Variants in CARS1 observed in about 807,000 individuals in gnomAD.
The protein encoded by CARS1 is cysteine--tRNA ligase, cytoplasmic.
CARS1 carries 48 observed loss-of-function variants against 106.2 expected under a neutral mutation model. The observed-to-expected ratio is 0.45, with a 90% CI of 0.36 to 0.57. CARS1 has a LOEUF of 0.57. Among genes scored for constraint, CARS1 ranks in the 20% least tolerant of loss-of-function variants. The pLI is 0.00. For missense variants in CARS1, 968 were observed against 1,057.2 expected (o/e 0.92, Z 1.17); for synonymous variants, 409 against 403.4 (o/e 1.01, Z -0.17).
Position 3,041,359 on chromosome 11 carries a change from TAC to T in CARS1, c.367-377_367-376del, listed in dbSNP as rs1187755733. 2.0e-5 allele frequency: 5 copies of T among 252,630 alleles called. No homozygotes were observed. The highest frequency in any genetic ancestry group is 1.1e-4 in the African/African-American group (5 of 43,574). 15.6% of individuals were successfully genotyped at this position (252,630 alleles called of 1,614,324 possible). A position where few individuals can be genotyped will look rare whatever the true frequency, so the allele number is the denominator to read the frequency against. On this transcript the variant is annotated intron_variant, in intron 3 of 22. Coordinates refer to ENST00000380525, the MANE Select transcript of CARS1 (RefSeq NM_001014437.3). The surrounding 1 kb of genome is among the most constrained non-coding windows in gnomAD (Gnocchi z 4.9). ...CCTGAGCTAAATATTCAATATGCAG[TAC>T]ACTCTAGGACGTAGGTTATGTCATT...
At chr11:3,018,251 G>A (rs776282015) in intron 14 of CARS1, 157 bp downstream of exon 14, 30 of 626,442 alleles carry the variant, frequency 4.8e-5, no homozygotes, top group Non-Finnish European at 6.4e-5. Flanking sequence ...GAGTGGCCCC[G>A]AGCCTGTTAT....
At position 3,038,459 on chromosome 11, in the gene CARS1, T is replaced by C. The variant is rs981069037; in HGVS notation, c.652-260A>G. Among the ~76,000 whole-genome samples, 5 of 152,042 alleles carry C rather than the reference T, an allele frequency of 3.3e-5. No individual in the cohort carries two copies. Among genetic ancestry groups the C allele is most frequent in the Admixed American group, 2.0e-4 (3 of 15,264 alleles). On this transcript the variant is annotated intron_variant, in intron 6 of 22. Transcript: ENST00000380525. The surrounding 1 kb of genome is among the most constrained non-coding windows in gnomAD (Gnocchi z 4.0). Reference sequence around the variant, plus strand: ...TGTGCCTCAGTTTCTCCAATGCAAATTGGGTGTGAGAGCAGTATTTCTAGG... The same window carrying C: ...TGTGCCTCAGTTTCTCCAATGCAAACTGGGTGTGAGAGCAGTATTTCTAGG...
intron 7 of CARS1, among the ~76,000 whole-genome samples, chr11:3,035,045 T>C (rs1853434229): frequency 6.6e-6 from 1 of 152,076 alleles, no homozygotes; most frequent in Non-Finnish European, 1.5e-5. Flanking sequence ...ACTACCCCAC[T>C]TCTGTGATAA....
At chr11:3,006,758 A>C in intron 19 of CARS1, 121 bp downstream of exon 19, 1 of 849,390 alleles carries the variant, frequency 1.2e-6, no homozygotes, top group African/African-American at 1.6e-5. Context: ...TGGGGCTGCC[A>C]CTTTGGGATT....
Position 3,038,323 on chromosome 11 carries a change from G to T in CARS1, c.652-124C>A. 1.1e-6 allele frequency: 1 copy of T among 891,442 alleles called. No homozygotes were observed. The allele number at this position is 891,442 out of a possible 1,614,324, so 55.2% of individuals were successfully genotyped here. A position where few individuals can be genotyped will look rare whatever the true frequency, so the allele number is the denominator to read the frequency against. ...TGGCCCCATAGAGATAGAGAAGTGT[G>T]CAACCCAAGTGGCCAGGCAGTAAGG... On this transcript the variant is annotated intron_variant, in intron 6 of 22. Coordinates refer to ENST00000380525, the MANE Select transcript of CARS1 (RefSeq NM_001014437.3). The surrounding 1 kb of genome is among the most constrained non-coding windows in gnomAD (Gnocchi z 4.0).
Position 3,044,118 on chromosome 11 carries a change from C to T in CARS1, c.275-1862G>A, listed in dbSNP as rs1424615660. ...CTCCTCCCTCACAAAGACCCTGGAG[C>T]TCCTTCAATAGGACACTGCTGCCAT... On this transcript the variant is annotated intron_variant, in intron 2 of 22. Coordinates refer to ENST00000380525, the MANE Select transcript of CARS1 (RefSeq NM_001014437.3). This position sits in a 1 kb window ranked among gnomAD's most constrained non-coding sequence, Gnocchi z 4.4. 6.6e-6 allele frequency among the ~76,000 whole-genome samples: 1 copy of T among 152,182 alleles called. No individual in the cohort carries two copies. The highest frequency in any genetic ancestry group is 6.5e-5 in the Admixed American group (1 of 15,284).
intron 18 of CARS1, among the ~76,000 whole-genome samples, chr11:3,011,881 C>T (rs56084313): frequency 0.099 from 15,126 of 152,252 alleles, 853 homozygotes; most frequent in African/African-American, 0.14. Context: ...CATTCTGCCT[C>T]GGCTCAGAGA....
chr11:3,055,170 T>C, intron 1 of CARS1: 1 of 569,472 alleles, frequency 1.8e-6, no homozygotes, highest in Non-Finnish European at 3.1e-6. Flanking sequence ...ATTGGATTTT[T>C]TTTTTTTTGA....
intron 19 of CARS1, 110 bp from the exon 20 acceptor site, chr11:3,005,543 C>T: frequency 1.4e-6 from 1 of 736,012 alleles, no homozygotes; most frequent in Non-Finnish European, 2.3e-6. Context: ...GCTGCCCAGT[C>T]AGAGCGAGGG....
At chr11:3,016,803 G>C (rs189356296) in intron 16 of CARS1, among the ~76,000 whole-genome samples, 1 of 152,168 alleles carries the variant, frequency 6.6e-6, no homozygotes, top group African/African-American at 2.4e-5. Flanking sequence ...TTATAGACCC[G>C]GGATCTCACT....
Position 3,006,969 on chromosome 11 carries a change from A to G in CARS1, c.2069-10T>C, listed in dbSNP as rs1479097954. 1 of 1,611,792 alleles carries G rather than the reference A, an allele frequency of 6.2e-7. No individual in the cohort carries two copies. Among genetic ancestry groups the G allele is most frequent in the Non-Finnish European group, 8.5e-7 (1 of 1,178,196 alleles). Reference sequence around the variant, plus strand: ...TGCAGAATCTCAGGGACTGTAGGAGAAGCAGAGCAGTTCCCTCAGACATGG... The same window carrying G: ...TGCAGAATCTCAGGGACTGTAGGAGGAGCAGAGCAGTTCCCTCAGACATGG... On this transcript the variant is annotated splice_polypyrimidine_tract_variant and intron_variant, in intron 18 of 22. Coordinates refer to ENST00000380525, the MANE Select transcript of CARS1 (RefSeq NM_001014437.3).
rs1590315899 is a variant in CARS1, at chr11:3,005,446, C to A, written c.2150-13G>T. 3.7e-6 allele frequency: 6 copies of A among 1,611,250 alleles called. No individual in the cohort carries two copies. The East Asian group carries it at 8.9e-5, about 24-fold the overall frequency. On this transcript the variant is annotated splice_polypyrimidine_tract_variant and intron_variant, in intron 19 of 22. Transcript: ENST00000380525. The stretch of plus-strand genomic sequence containing the variant: ...ACTGTGGGCAGTCCTGCAAAATAAA[C>A]TGCGTGTGAGAAGAGTCTGGGCTCT...
rs1853818781 is a variant in CARS1, at chr11:3,037,522, A to G, written c.801+528T>C. On this transcript the variant is annotated intron_variant, in intron 7 of 22. Transcript: ENST00000380525. The surrounding 1 kb of genome is among the most constrained non-coding windows in gnomAD (Gnocchi z 5.9). ...TGTGTCCAGGGCGCCAGCCACAGGG[A>G]AAGGCCTGAGGAAGAGGGCAGGGTC... is the stretch of plus-strand genomic sequence containing the variant. Among the ~76,000 whole-genome samples the G allele has an allele frequency of 6.6e-6, 1 of 152,196 alleles. No individual in the cohort carries two copies. The highest frequency in any genetic ancestry group is 1.5e-5 in the Non-Finnish European group (1 of 68,032).
intron 17 of CARS1, among the ~76,000 whole-genome samples, chr11:3,014,056 G>T (rs1305380507): frequency 6.6e-6 from 1 of 152,164 alleles, no homozygotes; most frequent in Non-Finnish European, 1.5e-5. Context: ...CTGAACTTTG[G>T]ACTTCTTGGG....
chr11:3,039,420 C>T lies in CARS1; in HGVS notation c.553-128G>A, dbSNP rs574183503. On this transcript the variant is annotated intron_variant, in intron 5 of 22. Coordinates refer to ENST00000380525, the MANE Select transcript of CARS1 (RefSeq NM_001014437.3). This position sits in a 1 kb window ranked among gnomAD's most constrained non-coding sequence, Gnocchi z 5.6. The stretch of plus-strand genomic sequence containing the variant: ...GGTGGTGGGAGACAACTGTGGGCCC[C>T]GGACGTGCACACCATCATCAAATAG... 4.7e-6 allele frequency: 3 copies of T among 634,718 alleles called. No individual in the cohort carries two copies. Among genetic ancestry groups the T allele is most frequent in the South Asian group, 3.6e-5 (2 of 55,460 alleles). 39.3% of individuals were successfully genotyped at this position (634,718 alleles called of 1,614,324 possible).
chr11:3,016,634 T>C (rs1851039697), intron 16 of CARS1, among the ~76,000 whole-genome samples: 1 of 152,150 alleles, frequency 6.6e-6, no homozygotes, highest in African/African-American at 2.4e-5. Flanking sequence ...TGTCTGGTTT[T>C]GAGACAGGGT....
At chr11:3,015,985 G>C (rs1850950638) in intron 16 of CARS1, 136 bp from the exon 17 acceptor site, 1 of 739,482 alleles carries the variant, frequency 1.4e-6, no homozygotes. Flanking sequence ...AGCAGCTCCA[G>C]GAGCCCCAGA....
At position 3,045,546 on chromosome 11, in the gene CARS1, G is replaced by A. The variant is rs550279298; in HGVS notation, c.274+2207C>T. Among the ~76,000 whole-genome samples, 1 of 152,316 alleles carries A rather than the reference G, an allele frequency of 6.6e-6. No individual in the cohort carries two copies. Among genetic ancestry groups the A allele is most frequent in the South Asian group, 2.1e-4 (1 of 4,820 alleles). ...CCCAAAGTGCTGGGATTACAGGAGT[G>A]AGCCACCGCGCCGGGCCAAGCAGAG... On this transcript the variant is annotated intron_variant, in intron 2 of 22. Transcript: ENST00000380525. This position sits in a 1 kb window ranked among gnomAD's most constrained non-coding sequence, Gnocchi z 5.6.
At position 3,038,340 on chromosome 11, in the gene CARS1, G is replaced by T; in HGVS notation, c.652-141C>A. On this transcript the variant is annotated intron_variant, in intron 6 of 22. Coordinates refer to ENST00000380525, the MANE Select transcript of CARS1 (RefSeq NM_001014437.3). This position sits in a 1 kb window ranked among gnomAD's most constrained non-coding sequence, Gnocchi z 4.0. Reference sequence around the variant, plus strand: ...AGAAGTGTGCAACCCAAGTGGCCAGGCAGTAAGGAACTAAGAGAGACTGAA... The same window carrying T: ...AGAAGTGTGCAACCCAAGTGGCCAGTCAGTAAGGAACTAAGAGAGACTGAA... The T allele has an allele frequency of 1.3e-6, 1 of 759,492 alleles. No homozygotes were observed. Among genetic ancestry groups the T allele is most frequent in the Non-Finnish European group, 2.2e-6 (1 of 457,374 alleles). 47.0% of individuals were successfully genotyped at this position (759,492 alleles called of 1,614,324 possible). A position where few individuals can be genotyped will look rare whatever the true frequency, so the allele number is the denominator to read the frequency against.
Sources: allele counts gnomAD v4.1 joint callset (sites outside exome capture counted in the v4.1 genomes callset), GRCh38; gene constraint gnomAD v4.1.1; non-coding constraint Gnocchi (gnomAD v3.1); transcripts MANE v1.5; gene names NCBI Gene and HGNC (gene_info 2026-07-23, HGNC 2026-07-21).